PITPNC1: variants seen among roughly 807,000 people sequenced by gnomAD.
PITPNC1 encodes the protein phosphatidylinositol transfer protein cytoplasmic 1, also known as cytoplasmic phosphatidylinositol transfer protein 1.
Under a neutral mutation model 44.7 loss-of-function variants are expected in PITPNC1, and 18 were observed. The ratio of observed to expected loss-of-function variants is 0.40; its 90% confidence interval spans 0.28 to 0.60. The LOEUF (loss-of-function observed/expected upper bound fraction) is 0.60, where lower values mean the gene tolerates loss of function less well. Among genes scored for constraint, PITPNC1 ranks in the 20% least tolerant of loss-of-function variants. PITPNC1 has a pLI of 0.39. For missense variants in PITPNC1, 290 were observed against 418.4 expected (o/e 0.69, Z 2.68); for synonymous variants, 141 against 149.6 (o/e 0.94, Z 0.42).
chr17:67,513,106 A>G (rs956936166), intron 1 of PITPNC1, among the ~76,000 whole-genome samples: 5 of 152,112 alleles, frequency 3.3e-5, no homozygotes, highest in African/African-American at 4.8e-5. Context: ...GCTCACGCCT[A>G]TAATCCCAGC....
In PITPNC1 at chr17:67,409,163, C is replaced by A. The variant is rs187695536; in HGVS notation, c.48+30961C>A. On this transcript the variant is annotated intron_variant, in intron 1 of 8. Transcript: ENST00000581322. ...GCAGTGGCGCAATCTCGGCTCACTG[C>A]AAGCTCCGCTTCCCGGGTTCACGCC... Among the ~76,000 whole-genome samples the A allele has an allele frequency of 3.9e-3, 577 of 147,884 alleles. 5 individuals are homozygous for A. Among genetic ancestry groups the A allele is most frequent in the African/African-American group, 0.014 (543 of 39,862 alleles).
At chr17:67,598,021 A>G (rs2144267494) in intron 5 of PITPNC1, among the ~76,000 whole-genome samples, 1 of 152,254 alleles carries the variant, frequency 6.6e-6, no homozygotes. Flanking sequence ...CAGGAGATCA[A>G]GACCATCCTG....
intron 1 of PITPNC1, among the ~76,000 whole-genome samples, chr17:67,459,112 T>G (rs543086492): frequency 1.4e-5 from 2 of 145,948 alleles, no homozygotes; most frequent in East Asian, 3.9e-4. Context: ...TTTTTCTTTT[T>G]CTTTTTTTTT....
chr17:67,608,130 A>C (rs1174557044), intron 5 of PITPNC1, among the ~76,000 whole-genome samples: 1 of 152,024 alleles, frequency 6.6e-6, no homozygotes, highest in African/African-American at 2.4e-5. Context: ...TAACATTGAT[A>C]CAATACTATT....
At chr17:67,619,777 C>G (rs775446290) in intron 5 of PITPNC1, among the ~76,000 whole-genome samples, 1 of 151,968 alleles carries the variant, frequency 6.6e-6, no homozygotes, top group Non-Finnish European at 1.5e-5. Flanking sequence ...GCCATCTGCC[C>G]CCAGTGCCAT....
intron 4 of PITPNC1, among the ~76,000 whole-genome samples, chr17:67,570,858 T>A (rs1169695571): frequency 6.6e-6 from 1 of 151,942 alleles, no homozygotes; most frequent in Non-Finnish European, 1.5e-5. Flanking sequence ...GGACACCAGA[T>A]AATGACAAGC....
chr17:67,562,668 A>G (rs2040921623), intron 4 of PITPNC1, among the ~76,000 whole-genome samples: 1 of 151,972 alleles, frequency 6.6e-6, no homozygotes, highest in African/African-American at 2.4e-5. Context: ...CGTAACCCTC[A>G]CAAGGCAGAA....
chr17:67,399,105 C>T (rs995359000), intron 1 of PITPNC1, among the ~76,000 whole-genome samples: 2 of 150,254 alleles, frequency 1.3e-5, no homozygotes, highest in African/African-American at 4.9e-5. Flanking sequence ...ACTTCCGCCT[C>T]CTGGGTTCAA....
intron 5 of PITPNC1, among the ~76,000 whole-genome samples, chr17:67,620,770 TA>T (rs2041819567): frequency 1.3e-5 from 2 of 152,202 alleles, no homozygotes; most frequent in South Asian, 4.1e-4. Context: ...TACTCAGCCT[TA>T]ATACCCCTGA....
chr17:67,435,746 G>A (rs2038928855), intron 1 of PITPNC1, among the ~76,000 whole-genome samples: 1 of 152,144 alleles, frequency 6.6e-6, no homozygotes, highest in Admixed American at 6.6e-5. Flanking sequence ...CAGCTACTCA[G>A]GAGGCTGAGG....
chr17:67,506,713 G>A (rs1466153890), intron 1 of PITPNC1, among the ~76,000 whole-genome samples: 3 of 152,016 alleles, frequency 2.0e-5, no homozygotes, highest in Non-Finnish European at 2.9e-5. Flanking sequence ...ATTGGAAATC[G>A]ATTAAATTAC....
intron 7 of PITPNC1, among the ~76,000 whole-genome samples, chr17:67,674,038 T>G (rs1263966056): frequency 6.6e-6 from 1 of 151,202 alleles, no homozygotes; most frequent in Non-Finnish European, 1.5e-5. Context: ...TAATTTTTTG[T>G]GGGTACATAG....
chr17:67,686,852 CTCTGT>C (rs763036786), intron 8 of PITPNC1, among the ~76,000 whole-genome samples: 1 of 152,184 alleles, frequency 6.6e-6, no homozygotes, highest in Non-Finnish European at 1.5e-5. Flanking sequence ...TTCCACTCTT[CTCTGT>C]TCTAAGACTA....
At chr17:67,468,125 G>T (rs1295641393) in intron 1 of PITPNC1, among the ~76,000 whole-genome samples, 2 of 152,174 alleles carry the variant, frequency 1.3e-5, no homozygotes, top group Non-Finnish European at 2.9e-5. Context: ...GTGACAAGGG[G>T]TGACTATCTC....
chr17:67,673,302 G>A (rs189745435), intron 7 of PITPNC1, among the ~76,000 whole-genome samples: 15 of 152,174 alleles, frequency 9.9e-5, no homozygotes, highest in Middle Eastern at 6.8e-3. Context: ...AATGTTACAG[G>A]GATACTGTGA....
At chr17:67,670,288 G>C (rs1177454886) in intron 7 of PITPNC1, among the ~76,000 whole-genome samples, 1 of 152,052 alleles carries the variant, frequency 6.6e-6, no homozygotes, top group Non-Finnish European at 1.5e-5. Flanking sequence ...AGAAACTTGG[G>C]AAACAGCCAA....
At chr17:67,417,766 G>A (rs1490462536) in intron 1 of PITPNC1, among the ~76,000 whole-genome samples, 1 of 152,144 alleles carries the variant, frequency 6.6e-6, no homozygotes, top group Non-Finnish European at 1.5e-5. Flanking sequence ...ATGGGGGCTG[G>A]GTGCGGTGGC....
At chr17:67,666,591 G>A (rs1416003848) in intron 6 of PITPNC1, among the ~76,000 whole-genome samples, 1 of 152,236 alleles carries the variant, frequency 6.6e-6, no homozygotes, top group African/African-American at 2.4e-5. Flanking sequence ...GACAGATTTT[G>A]AGGAGGGGAG....
At chr17:67,615,924 G>A (rs2041752024) in intron 5 of PITPNC1, among the ~76,000 whole-genome samples, 1 of 152,098 alleles carries the variant, frequency 6.6e-6, no homozygotes, top group Non-Finnish European at 1.5e-5. Flanking sequence ...GCCCAAGGGA[G>A]GCTGCAGCCC....
Sources: gnomAD v4.1 joint callset for allele counts (sites outside exome capture counted in the v4.1 genomes callset) on GRCh38, gnomAD v4.1.1 for gene constraint, MANE v1.5 for transcripts, NCBI Gene and HGNC (gene_info 2026-07-23, HGNC 2026-07-21) for gene names.